EMCN: variants seen among roughly 807,000 people sequenced by gnomAD.
The protein encoded by EMCN is MUC-14.
Under a neutral mutation model 38.4 loss-of-function variants are expected in EMCN, and 37 were observed. That is an observed-to-expected ratio of 0.96 (90% CI 0.74 to 1.27). The LOEUF (loss-of-function observed/expected upper bound fraction) is 1.27. Ranked by LOEUF, EMCN falls within the 50% of genes most tolerant of loss-of-function variation. The probability of loss-of-function intolerance (pLI) is 0.00; values close to 1 mark genes in which losing one functional copy is unlikely to be tolerated. For synonymous variants in EMCN, 95 were observed against 100.8 expected (o/e 0.94, Z 0.35); for missense variants, 318 against 302.8 (o/e 1.05, Z -0.37).
At chr4:100,500,648 G>A (rs1432057191) in intron 1 of EMCN, among the ~76,000 whole-genome samples, 1 of 151,842 alleles carries the variant, frequency 6.6e-6, no homozygotes, top group Non-Finnish European at 1.5e-5. Flanking sequence ...TTATGTAAAT[G>A]GCAACATATT....
rs546216961 is a variant in EMCN, at chr4:100,499,407, T to C, written c.64+18444A>G. 3.9e-5 allele frequency among the ~76,000 whole-genome samples: 6 copies of C among 152,344 alleles called. No individual in the cohort carries two copies. The East Asian group carries it at 1.2e-3, about 29-fold the overall frequency. ...TGTGTTACCACATTGAAATGATTCA[T>C]CAAAGAACAAACTTCATGGCTTTGC... On this transcript the variant is annotated intron_variant, in intron 1 of 11. Coordinates refer to ENST00000296420, the MANE Select transcript of EMCN (RefSeq NM_016242.4).
chr4:100,437,715 C>T (rs1024774969), intron 5 of EMCN, among the ~76,000 whole-genome samples: 2 of 152,026 alleles, frequency 1.3e-5, no homozygotes, highest in Non-Finnish European at 2.9e-5. Flanking sequence ...GTTGACAGTA[C>T]ACATTTAGAT....
chr4:100,419,827 G>A (rs1281205944), intron 8 of EMCN, among the ~76,000 whole-genome samples: 2 of 152,008 alleles, frequency 1.3e-5, no homozygotes, highest in Non-Finnish European at 2.9e-5. Flanking sequence ...TTCACCAAGA[G>A]CTAAAATGAA....
At chr4:100,431,229 T>G (rs925279633) in intron 5 of EMCN, among the ~76,000 whole-genome samples, 1 of 152,116 alleles carries the variant, frequency 6.6e-6, no homozygotes, top group African/African-American at 2.4e-5. Flanking sequence ...TTAAGGAAAG[T>G]AAAAAAGATA....
At chr4:100,417,072 C>A in intron 9 of EMCN, 45 bp downstream of exon 9, 1 of 1,589,820 alleles carries the variant, frequency 6.3e-7, no homozygotes, top group South Asian at 1.1e-5. Context: ...ATTTTCACTA[C>A]GTAAATGGTA....
Position 100,410,323 on chromosome 4 carries a change from A to G in EMCN, c.784T>C (p.Ter262ArgextTer15). 6.2e-7 allele frequency: 1 copy of G among 1,613,768 alleles called. No homozygotes were observed. The highest frequency in any genetic ancestry group is 8.5e-7 in the Non-Finnish European group (1 of 1,179,686). The change falls in exon 11 of 12, where the codon TGA becomes CGA. Residue 262 changes from the stop codon to arginine, a stop_lost. Transcript: ENST00000296420. The stretch of plus-strand genomic sequence containing the variant: ...TGTGGAGAGAATTCCTCAAGCTGTC[A>G]GTTCTTGGTTTTTCCTTGTGCAGAG... ...EHSAQGKTKN* is the reference protein window; with the variant it reads ...EHSAQGKTKNR
At chr4:100,506,526 C>T (rs1482659364) in intron 1 of EMCN, among the ~76,000 whole-genome samples, 1 of 151,610 alleles carries the variant, frequency 6.6e-6, no homozygotes, top group East Asian at 1.9e-4. Context: ...GCTTATTACT[C>T]AGATCTAACT....
chr4:100,445,414 G>A (rs1054010173), intron 5 of EMCN, among the ~76,000 whole-genome samples: 8 of 151,934 alleles, frequency 5.3e-5, no homozygotes, highest in Admixed American at 2.0e-4. Flanking sequence ...TTTTGAAGTC[G>A]TTGCAAAAAT....
chr4:100,399,297 G>A (rs568987152), intron 11 of EMCN, among the ~76,000 whole-genome samples: 2 of 152,300 alleles, frequency 1.3e-5, no homozygotes, highest in South Asian at 4.2e-4. Context: ...TTGTGTTGCT[G>A]ATGGCAGTGT....
intron 11 of EMCN, among the ~76,000 whole-genome samples, chr4:100,408,021 A>C (rs1726443532): frequency 6.6e-6 from 1 of 152,156 alleles, no homozygotes; most frequent in Non-Finnish European, 1.5e-5. Context: ...TCTGCTGTTA[A>C]TACTTCCAAT....
intron 1 of EMCN, among the ~76,000 whole-genome samples, chr4:100,491,079 C>T (rs1211772961): frequency 1.3e-5 from 2 of 152,134 alleles, no homozygotes; most frequent in Non-Finnish European, 2.9e-5. Flanking sequence ...ATAGCTATGG[C>T]TTGCAAATAT....
intron 9 of EMCN, 132 bp downstream of exon 9, chr4:100,416,985 G>A: frequency 1.2e-6 from 1 of 848,440 alleles, no homozygotes; most frequent in Non-Finnish European, 1.9e-6. Flanking sequence ...AGAGAGCTCT[G>A]ACAAACAGTT....
rs1030364043 is a variant in EMCN, at chr4:100,460,948, TATC to T, written c.376+4472_376+4474del. On this transcript the variant is annotated intron_variant, in intron 4 of 11. Transcript: ENST00000296420. Reference sequence around the variant, plus strand: ...TTAGGTCTTTTGAAAATGTAAATAATATCATATCATTGCTCTGCTCTCAACTCT... The same window carrying T: ...TTAGGTCTTTTGAAAATGTAAATAATATATCATTGCTCTGCTCTCAACTCT... Among the ~76,000 whole-genome samples, 17 of 152,204 alleles carry T rather than the reference TATC, an allele frequency of 1.1e-4. 1 individual carries two copies. The highest frequency in any genetic ancestry group is 2.9e-5 in the Non-Finnish European group (2 of 68,028).
rs1248816823 is a variant in EMCN at position 100,401,893 on chromosome 4, A to AT, written c.*40-3521dup. ...TGAGGGAGCAACCAGGTAGCAGCAG[A>AT]TTCCCCCTTGACAACAGTGCAGAGT... On this transcript the variant is annotated intron_variant, in intron 11 of 11. Coordinates refer to ENST00000296420, the MANE Select transcript of EMCN (RefSeq NM_016242.4). Among the ~76,000 whole-genome samples, 12 of 152,220 alleles carry AT rather than the reference A, an allele frequency of 7.9e-5. 1 individual carries two copies. In the South Asian group the frequency reaches 1.2e-3, roughly 16 times the overall value.
intron 3 of EMCN, among the ~76,000 whole-genome samples, chr4:100,469,896 T>C (rs897622734): frequency 4.6e-5 from 7 of 152,058 alleles, no homozygotes; most frequent in Admixed American, 3.9e-4. Context: ...TTTGGTTCCA[T>C]ATGAATTTTT....
chr4:100,449,896 A>G (rs1336949785), intron 4 of EMCN, among the ~76,000 whole-genome samples: 2 of 152,012 alleles, frequency 1.3e-5, no homozygotes, highest in Non-Finnish European at 2.9e-5. Flanking sequence ...TTAATCCAGT[A>G]TAGAATATAT....
intron 5 of EMCN, among the ~76,000 whole-genome samples, chr4:100,438,013 T>C (rs1727404574): frequency 6.6e-6 from 1 of 152,144 alleles, no homozygotes; most frequent in Admixed American, 6.6e-5. Flanking sequence ...TATAAATTTT[T>C]CTGATTCATA....
chr4:100,484,089 G>C (rs930042440), intron 1 of EMCN, among the ~76,000 whole-genome samples: 23 of 152,028 alleles, frequency 1.5e-4, no homozygotes, highest in Non-Finnish European at 2.6e-4. Flanking sequence ...CGAGTTTCCT[G>C]TACTACAAAG....
At chr4:100,441,846 A>G (rs1294203548) in intron 5 of EMCN, among the ~76,000 whole-genome samples, 1 of 152,152 alleles carries the variant, frequency 6.6e-6, no homozygotes, top group Admixed American at 6.5e-5. Flanking sequence ...TTTATTAACA[A>G]CTTGTTATAC....
Sources: gnomAD v4.1 joint callset for allele counts (sites outside exome capture counted in the v4.1 genomes callset) on GRCh38, gnomAD v4.1.1 for gene constraint, MANE v1.5 for transcripts, NCBI Gene and HGNC (gene_info 2026-07-23, HGNC 2026-07-21) for gene names.